NAAA: variants seen among roughly 807,000 people sequenced by gnomAD.
NAAA encodes the protein N-acylethanolamine acid amidase.
Under a neutral mutation model 44.8 loss-of-function variants are expected in NAAA, and 39 were observed. The ratio of observed to expected loss-of-function variants is 0.87; its 90% CI spans 0.67 to 1.14. The LOEUF (loss-of-function observed/expected upper bound fraction) is 1.14, where lower values mean the gene tolerates loss of function less well. NAAA is among the 50% of genes most tolerant of loss of function. NAAA has a pLI of 0.00. For synonymous variants in NAAA, 178 were observed against 191.3 expected (o/e 0.93, Z 0.58); for missense variants, 460 against 467.8 (o/e 0.98, Z 0.15).
In NAAA at chr4:75,931,285, G is replaced by T. The variant is rs747436399; in HGVS notation, c.518C>A (p.Thr173Asn). The part of the protein sequence containing the change: ...KNGQIAFTGT[T>N]FIGYVGLWTG... The stretch of plus-strand genomic sequence containing the variant: ...CCATAATCCTACATAGCCAATAAAA[G>T]TAGTTCCTGTGAATGCAATCTGAAA... Residue 173 changes from threonine (T) to asparagine (N), a missense_variant, in exon 4 of 11, where the codon ACT becomes AAT. Coordinates refer to ENST00000286733, the MANE Select transcript of NAAA (RefSeq NM_014435.4). The T allele has an allele frequency of 1.2e-6, 2 of 1,610,770 alleles. No individual in the cohort carries two copies. The highest frequency in any genetic ancestry group is 1.7e-5 in the Admixed American group (1 of 59,940).
At position 75,939,733 on chromosome 4, in the gene NAAA, A is replaced by C. The variant is rs1383405277; in HGVS notation, c.371+268T>G. 14 of 427,470 alleles carry C rather than the reference A, an allele frequency of 3.3e-5. No homozygotes were observed. In the East Asian group the frequency reaches 5.5e-4, roughly 17 times the overall value. The allele number at this position is 427,470 out of a possible 1,614,324, so 26.5% of individuals were successfully genotyped here. On this transcript the variant is annotated intron_variant, in intron 2 of 10. Transcript: ENST00000286733. ...CCCGGCCTTTGAGCAGAATTTTAAA[A>C]GTACGCTACCTGGATTGGGGAAGAG...
At chr4:75,932,045 C>T (rs56105413) in intron 3 of NAAA, among the ~76,000 whole-genome samples, 17,149 of 152,040 alleles carry the variant, frequency 0.11, 1,225 homozygotes, top group African/African-American at 0.2. Context: ...GCCTGACCAA[C>T]GTGGAGAAAC....
chr4:75,940,655 C>T, intron 1 of NAAA, 89 bp downstream of exon 1: 8 of 1,362,204 alleles, frequency 5.9e-6, no homozygotes, highest in Non-Finnish European at 7.8e-6. Context: ...AGTAAAGCGT[C>T]CCCGTTTAAA....
chr4:75,939,953 GGGCCCCCGCA>G (rs1205952084), intron 2 of NAAA, 38 bp downstream of exon 2: 1 of 1,605,162 alleles, frequency 6.2e-7, no homozygotes, highest in Non-Finnish European at 8.5e-7. Context: ...TCTGTGTCGG[GGGCCCCCGCA>G]AGCCCCGCGT....
At chr4:75,911,659 A>G (rs1368045749), downstream of NAAA, among the ~76,000 whole-genome samples, 3 of 152,126 alleles carry the variant, frequency 2.0e-5, no homozygotes, top group East Asian at 3.9e-4. Context: ...CCAGAATGCA[A>G]AAGTCTGAAA....
chr4:75,939,414 A>ATT (rs377331355), intron 2 of NAAA, among the ~76,000 whole-genome samples: 7,027 of 137,278 alleles, frequency 0.051, 252 homozygotes, highest in Middle Eastern at 0.1. Flanking sequence ...TTTGAGCAGA[A>ATT]TTTTTTTTTT....
Position 75,940,759 on chromosome 4 carries a change from A to T in NAAA, c.191T>A (p.Met64Lys). 6.3e-7 allele frequency: 1 copy of T among 1,597,174 alleles called. No individual in the cohort carries two copies. The highest frequency in any genetic ancestry group is 1.7e-5 in the Admixed American group (1 of 59,738). The change falls in exon 1 of 11, where the codon ATG becomes AAG. Residue 64 changes from methionine to lysine, a missense_variant. Met to Lys is a moderately conservative substitution (Grantham distance 95, BLOSUM62 -1). Coordinates refer to ENST00000286733, the MANE Select transcript of NAAA (RefSeq NM_014435.4). ...CCCAGCTCACCCGATGACTTGCGCC[A>T]TCGCGGCGCGCACCAAGTCCAAGTC... is the stretch of plus-strand genomic sequence containing the variant. ...HYDLDLVRAAMAQVIGDRVPK... is the reference protein window; with the variant it reads ...HYDLDLVRAAKAQVIGDRVPK...
At chr4:75,911,357 C>T (rs1432372819), downstream of NAAA, 4 of 500,100 alleles carry the variant, frequency 8.0e-6, no homozygotes, top group South Asian at 3.1e-5. Flanking sequence ...TTGCTCACTG[C>T]ACAGACAAAA....
Position 75,919,901 on chromosome 4 carries a change from C to T in NAAA, c.969+8G>A, listed in dbSNP as rs371602118. 9 of 1,610,394 alleles carry T rather than the reference C, an allele frequency of 5.6e-6. No individual in the cohort carries two copies. The highest frequency in any genetic ancestry group is 6.8e-6 in the Non-Finnish European group (8 of 1,176,634). ...CCTAGGTATGCAGGACACTGTGACACAAGTTACCTGGAAAAGTGCCTCCAG... is the reference window on the plus strand; with the variant it reads ...CCTAGGTATGCAGGACACTGTGACATAAGTTACCTGGAAAAGTGCCTCCAG... On this transcript the variant is annotated splice_region_variant and intron_variant, in intron 8 of 10. Transcript: ENST00000286733.
At chr4:75,920,886 C>A in intron 6 of NAAA, 65 bp downstream of exon 6, 1 of 1,612,750 alleles carries the variant, frequency 6.2e-7, no homozygotes, top group South Asian at 1.1e-5. Flanking sequence ...AAATACCCCT[C>A]ATTTCACCGA....
chr4:75,938,070 C>A (rs971950663), intron 2 of NAAA, among the ~76,000 whole-genome samples: 1 of 152,230 alleles, frequency 6.6e-6, no homozygotes, highest in East Asian at 1.9e-4. Context: ...TGACTTCCAG[C>A]AAGGTGGCCC....
rs547414146 is a variant in NAAA at position 75,921,043 on chromosome 4, A to G, written c.747T>C (p.Ile249=). The change falls in exon 6 of 11, where the codon ATT becomes ATC. Residue 249 remains isoleucine (I), a synonymous_variant. Transcript: ENST00000286733. ...CCTCCCGGGGGGACGTGCCACCAAC[A>G]ATGTAATAAACATCAGCAATAAGGG... ...KTPLIADVYY[I]VGGTSPREGV... is the part of the protein sequence containing the mutation. 13 of 1,605,854 alleles carry G rather than the reference A, an allele frequency of 8.1e-6. No homozygotes were observed. The Admixed American group carries it at 2.3e-4, about 28-fold the overall frequency.
intron 9 of NAAA, 74 bp downstream of exon 9, chr4:75,918,687 G>A: frequency 1.3e-6 from 2 of 1,522,734 alleles, no homozygotes; most frequent in Non-Finnish European, 1.8e-6. Flanking sequence ...GATCCTTGCT[G>A]AGCCAAACAG....
At chr4:75,930,442 TA>T (rs1454349754) in intron 4 of NAAA, 1 of 514,040 alleles carries the variant, frequency 1.9e-6, no homozygotes, top group South Asian at 1.4e-5. Context: ...CGAATGGAGT[TA>T]AAAATAACAG....
chr4:75,925,589 A>G (rs1025614412), intron 5 of NAAA, 146 bp downstream of exon 5: 31 of 732,234 alleles, frequency 4.2e-5, no homozygotes, highest in Non-Finnish European at 6.3e-5. Context: ...GACATTTATC[A>G]AAAAGATTTA....
rs1468970221 is a variant in NAAA at position 75,918,801 on chromosome 4, A to G, written c.970-12T>C. ...ACCACCGACAAAATCTGCATAGGAA[A>G]AAGTCATTTTATAGAGAAGATTACA... is the stretch of plus-strand genomic sequence containing the variant. On this transcript the variant is annotated splice_polypyrimidine_tract_variant and intron_variant, in intron 8 of 10. Coordinates refer to ENST00000286733, the MANE Select transcript of NAAA (RefSeq NM_014435.4). 3.1e-6 allele frequency: 5 copies of G among 1,610,272 alleles called. No homozygotes were observed.
intron 5 of NAAA, among the ~76,000 whole-genome samples, chr4:75,921,398 C>T (rs985494382): frequency 6.6e-6 from 1 of 152,188 alleles, no homozygotes; most frequent in African/African-American, 2.4e-5. Flanking sequence ...GTGTGCTCTC[C>T]AGGCAGATCG....
Position 75,914,116 on chromosome 4 carries a change from A to T in NAAA, c.*259T>A, listed in dbSNP as rs1725451811. On this transcript the variant is annotated 3_prime_UTR_variant, in exon 11 of 11. Coordinates refer to ENST00000286733, the MANE Select transcript of NAAA (RefSeq NM_014435.4). Reference sequence around the variant, plus strand: ...ATCTTTGAGTTATTCAGGCCAGGATAGAAGCTTAGAGAGGATCGAGGCAAA... The same window carrying T: ...ATCTTTGAGTTATTCAGGCCAGGATTGAAGCTTAGAGAGGATCGAGGCAAA... The T allele has an allele frequency of 1.0e-6, 1 of 985,674 alleles. No individual in the cohort carries two copies. The highest frequency in any genetic ancestry group is 4.7e-5 in the South Asian group (1 of 21,286). 61.1% of individuals were successfully genotyped at this position (985,674 alleles called of 1,614,324 possible).
intron 9 of NAAA, among the ~76,000 whole-genome samples, chr4:75,916,192 T>C (rs1471323593): frequency 6.6e-6 from 1 of 152,236 alleles, no homozygotes; most frequent in Non-Finnish European, 1.5e-5. Context: ...AGGGGCAGCA[T>C]AGAGCTAACT....
Sources: gnomAD v4.1 joint callset for allele counts (sites outside exome capture counted in the v4.1 genomes callset) on GRCh38, gnomAD v4.1.1 for gene constraint, MANE v1.5 for transcripts, NCBI Gene and HGNC (gene_info 2026-07-23, HGNC 2026-07-21) for gene names.